The following USP25 variants were observed in gnomAD, a reference collection of about 807,000 sequenced individuals.
USP25 encodes ubiquitin specific peptidase 25, also known as ubiquitin carboxyl-terminal hydrolase 25.
Under a neutral mutation model 158.5 loss-of-function variants are expected in USP25, and 85 were observed. That is an observed-to-expected ratio of 0.54 (90% CI 0.45 to 0.64). The LOEUF (loss-of-function observed/expected upper bound fraction) is 0.64. USP25 is among the 30% of genes least tolerant of loss of function. USP25 has a pLI of 0.00. For synonymous variants in USP25, 464 were observed against 460.4 expected, an observed-to-expected ratio of 1.01 and a Z score of -0.10; for missense variants, 1,242 against 1,327.3, an observed-to-expected ratio of 0.94 and a Z score of 1.00.
intron 20 of USP25, among the ~76,000 whole-genome samples, chr21:15,850,764 C>T (rs2146488690): frequency 6.6e-6 from 1 of 152,022 alleles, no homozygotes; most frequent in South Asian, 2.1e-4. Flanking sequence ...CAGTACAAAA[C>T]AAAAGCCTTG....
At chr21:15,859,969 G>GTGTA (rs1464163096) in intron 20 of USP25, among the ~76,000 whole-genome samples, 5 of 138,480 alleles carry the variant, frequency 3.6e-5, no homozygotes, top group African/African-American at 1.1e-4. Flanking sequence ...ATATATATAT[G>GTGTA]TATATATATA....
intron 8 of USP25, among the ~76,000 whole-genome samples, chr21:15,810,101 G>A (rs1456407863): frequency 5.9e-5 from 9 of 152,146 alleles, no homozygotes; most frequent in Middle Eastern, 3.4e-3. Context: ...TAACATTACC[G>A]AACTGTACAG....
intron 6 of USP25, among the ~76,000 whole-genome samples, chr21:15,804,354 G>A (rs1472985559): frequency 6.6e-6 from 1 of 151,082 alleles, no homozygotes; most frequent in African/African-American, 2.4e-5. Flanking sequence ...TCTCCTATTA[G>A]GATCTGGTCT....
chr21:15,827,084 C>A lies in USP25; in HGVS notation c.1574C>A (p.Ser525Tyr), dbSNP rs759604913. The A allele has an allele frequency of 6.2e-7, 1 of 1,614,170 alleles. No individual in the cohort carries two copies. The highest frequency in any genetic ancestry group is 1.1e-5 in the South Asian group (1 of 91,080). The change falls in exon 14 of 26, where the codon TCC becomes TAC. Residue 525 changes from serine to tyrosine, a missense_variant. By Grantham distance (144) the Ser-to-Tyr change is moderately radical (BLOSUM62 -2). Coordinates refer to ENST00000400183, the MANE Select transcript of USP25 (RefSeq NM_001283041.3). ...RSVIHKPFTQ[S>Y]RIPPDLPMHP... ...GTAATACACAAACCATTTACTCAGT[C>A]CCGGATACCTCCAGATTTGCCCATG...
intron 20 of USP25, among the ~76,000 whole-genome samples, chr21:15,852,025 T>A (rs1459610164): frequency 2.0e-5 from 3 of 152,128 alleles, no homozygotes; most frequent in African/African-American, 7.2e-5. Context: ...TTTTCTTAAA[T>A]AAGTTATGTT....
chr21:15,835,465 A>G (rs111611117), intron 17 of USP25, among the ~76,000 whole-genome samples: 3 of 152,324 alleles, frequency 2.0e-5, no homozygotes, highest in African/African-American at 7.2e-5. Flanking sequence ...TGAAAAGACC[A>G]TGTGTGCATA....
chr21:15,853,562 T>C (rs1343549022), intron 20 of USP25, among the ~76,000 whole-genome samples: 1 of 152,192 alleles, frequency 6.6e-6, no homozygotes, highest in Non-Finnish European at 1.5e-5. Flanking sequence ...TATTAAAAGA[T>C]CTACTCTTAC....
Position 15,761,583 on chromosome 21 carries a change from A to G in USP25, c.46-1308A>G, listed in dbSNP as rs2033727007. Among the ~76,000 whole-genome samples the G allele has an allele frequency of 4.6e-5, 7 of 152,200 alleles. No individual in the cohort carries two copies. In the South Asian group the frequency reaches 1.2e-3, roughly 27 times the overall value. ...TTAGGAACACCCAACTGGTAAGGGA[A>G]AAACGCCTTAAGTGAGCACATGCAC... On this transcript the variant is annotated intron_variant, in intron 1 of 25. Coordinates refer to ENST00000400183, the MANE Select transcript of USP25 (RefSeq NM_001283041.3).
chr21:15,798,480 A>G (rs989130221), intron 5 of USP25, among the ~76,000 whole-genome samples: 1 of 151,104 alleles, frequency 6.6e-6, no homozygotes, highest in South Asian at 2.1e-4. Flanking sequence ...TTTCTCCCCA[A>G]GGTTCTGATC....
intron 20 of USP25, among the ~76,000 whole-genome samples, chr21:15,852,960 C>A (rs1020460280): frequency 6.6e-6 from 1 of 152,022 alleles, no homozygotes; most frequent in Middle Eastern, 3.2e-3. Flanking sequence ...TAATATGTCA[C>A]CTTAAAAATT....
intron 20 of USP25, among the ~76,000 whole-genome samples, chr21:15,859,493 C>T (rs1601155479): frequency 6.6e-6 from 1 of 152,132 alleles, no homozygotes; most frequent in Non-Finnish European, 1.5e-5. Flanking sequence ...CTGCGCCCGG[C>T]CGCTTTCTCT....
At chr21:15,747,283 C>A (rs1190379953) in intron 1 of USP25, among the ~76,000 whole-genome samples, 1 of 151,944 alleles carries the variant, frequency 6.6e-6, no homozygotes, top group Non-Finnish European at 1.5e-5. Context: ...TAGTATTGAA[C>A]CATTTATAGA....
intron 1 of USP25, among the ~76,000 whole-genome samples, chr21:15,748,961 G>A (rs553054425): frequency 5.3e-5 from 8 of 151,198 alleles, no homozygotes; most frequent in African/African-American, 1.9e-4. Context: ...AGAGTGAGTG[G>A]TATTTTTGGT....
At chr21:15,820,309 C>G (rs2037167540) in intron 10 of USP25, among the ~76,000 whole-genome samples, 1 of 151,896 alleles carries the variant, frequency 6.6e-6, no homozygotes, top group African/African-American at 2.4e-5. Flanking sequence ...ATATTCCCAG[C>G]TTTTAAAAAT....
chr21:15,754,022 C>T (rs991785165), intron 1 of USP25, among the ~76,000 whole-genome samples: 1 of 152,170 alleles, frequency 6.6e-6, no homozygotes, highest in African/African-American at 2.4e-5. Flanking sequence ...AAAGTTGTTG[C>T]AACCCTCTTG....
chr21:15,807,904 GC>G (rs1158388504), intron 7 of USP25, among the ~76,000 whole-genome samples: 2 of 152,158 alleles, frequency 1.3e-5, no homozygotes, highest in Non-Finnish European at 2.9e-5. Context: ...TTTTTGCGTT[GC>G]GTTTAGTCCT....
At chr21:15,838,484 T>G (rs1369991094) in intron 17 of USP25, among the ~76,000 whole-genome samples, 4 of 152,110 alleles carry the variant, frequency 2.6e-5, no homozygotes, top group African/African-American at 9.7e-5. Flanking sequence ...GGTTTGACTC[T>G]GGTTTCTAAA....
chr21:15,866,225 A>ACAG, intron 21 of USP25, 41 bp from the exon 22 acceptor site: 1 of 1,320,362 alleles, frequency 7.6e-7, no homozygotes, highest in Non-Finnish European at 1.0e-6. Context: ...ATATATACAC[A>ACAG]CACATACACA....
chr21:15,799,826 T>C lies in USP25; in HGVS notation c.625T>C (p.Leu209=). ...NYKPPSNAQD[L]PRNQKEHRNL... is the part of the protein sequence containing the mutation. Reference sequence around the variant, plus strand: ...CAAGCCTCCATCAAATGCTCAAGATTTACCCCGAAACCAAAAGGTAAAATT... The same window carrying C: ...CAAGCCTCCATCAAATGCTCAAGATCTACCCCGAAACCAAAAGGTAAAATT... The change falls in exon 6 of 26, where the codon TTA becomes CTA. Residue 209 remains leucine, a synonymous_variant. Transcript: ENST00000400183. 6.2e-7 allele frequency: 1 copy of C among 1,603,836 alleles called. No homozygotes were observed.
Sources: gnomAD v4.1 joint callset for allele counts (sites outside exome capture counted in the v4.1 genomes callset) on GRCh38, gnomAD v4.1.1 for gene constraint, MANE v1.5 for transcripts, NCBI Gene and HGNC (gene_info 2026-07-23, HGNC 2026-07-21) for gene names.